Variants in TYW1 observed in about 807,000 individuals in gnomAD.
TYW1 encodes the protein tRNA-yW synthesizing protein 1 homolog.
Under a neutral mutation model 96.2 loss-of-function variants are expected in TYW1, and 46 were observed. That is an observed-to-expected ratio of 0.48 (90% CI 0.38 to 0.61). The LOEUF is 0.61. TYW1 is among the 20% of genes least tolerant of loss of function. TYW1 has a pLI of 0.00. For synonymous variants in TYW1, 274 were observed against 323.0 expected (o/e 0.85, Z 1.63); for missense variants, 684 against 909.6 (o/e 0.75, Z 3.19).
chr7:67,138,935 C>T (rs1324600753), intron 13 of TYW1, among the ~76,000 whole-genome samples: 2 of 151,530 alleles, frequency 1.3e-5, no homozygotes, highest in Admixed American at 1.3e-4. Context: ...TTGCAATAAA[C>T]ATGGGAATGC....
chr7:67,147,747 G>A (rs1798653258), intron 13 of TYW1, among the ~76,000 whole-genome samples: 1 of 152,028 alleles, frequency 6.6e-6, no homozygotes, highest in Non-Finnish European at 1.5e-5. Context: ...CCCTGCAAAG[G>A]ACATGATCTT....
At chr7:67,131,801 C>T (rs1798082121) in intron 13 of TYW1, among the ~76,000 whole-genome samples, 1 of 152,120 alleles carries the variant, frequency 6.6e-6, no homozygotes, top group Non-Finnish European at 1.5e-5. Flanking sequence ...CCTGAGAGCC[C>T]CTGGCAAACC....
intron 12 of TYW1, among the ~76,000 whole-genome samples, chr7:67,102,453 A>G (rs1227377302): frequency 6.6e-6 from 1 of 152,174 alleles, no homozygotes; most frequent in Non-Finnish European, 1.5e-5. Flanking sequence ...ATTCCAAAGA[A>G]ATAATTCTTC....
chr7:67,194,793 TTG>T (rs921006269), intron 14 of TYW1, among the ~76,000 whole-genome samples: 4 of 148,538 alleles, frequency 2.7e-5, no homozygotes, highest in African/African-American at 7.6e-5. Flanking sequence ...GCCCCCATTA[TTG>T]TCCTAAGGGG....
intron 15 of TYW1, among the ~76,000 whole-genome samples, chr7:67,206,547 C>T (rs1265701081): frequency 6.6e-6 from 1 of 151,858 alleles, no homozygotes; most frequent in African/African-American, 2.4e-5. Flanking sequence ...AGAAGAATTG[C>T]TTGAACCTGG....
At chr7:67,147,097 A>G (rs994680360) in intron 13 of TYW1, among the ~76,000 whole-genome samples, 5 of 152,226 alleles carry the variant, frequency 3.3e-5, no homozygotes, top group African/African-American at 9.6e-5. Flanking sequence ...TTCTTTTAGC[A>G]GAGCAGAGTC....
intron 8 of TYW1, among the ~76,000 whole-genome samples, chr7:67,050,540 T>G (rs1422156708): frequency 6.6e-6 from 1 of 152,022 alleles, no homozygotes; most frequent in African/African-American, 2.4e-5. Flanking sequence ...CCTCCCCACT[T>G]CCCCTCTATA....
chr7:67,202,687 G>T (rs7798712), intron 15 of TYW1, among the ~76,000 whole-genome samples: 1 of 152,040 alleles, frequency 6.6e-6, no homozygotes, highest in Non-Finnish European at 1.5e-5. Context: ...ATGAGCCACC[G>T]TAAGCCCAGC....
At chr7:67,202,757 G>C (rs1268142981) in intron 15 of TYW1, among the ~76,000 whole-genome samples, 1 of 152,138 alleles carries the variant, frequency 6.6e-6, no homozygotes, top group East Asian at 1.9e-4. Context: ...CTGCAGTCAT[G>C]TTGAATGAAG....
intron 14 of TYW1, among the ~76,000 whole-genome samples, chr7:67,185,436 C>A (rs2090946): frequency 0.28 from 41,860 of 150,762 alleles, 6,242 homozygotes; most frequent in African/African-American, 0.4. Context: ...GCCGGAGAGC[C>A]GTGGGTACAT....
intron 15 of TYW1, among the ~76,000 whole-genome samples, chr7:67,204,893 C>T (rs1285931601): frequency 6.6e-6 from 1 of 152,176 alleles, no homozygotes; most frequent in Non-Finnish European, 1.5e-5. Context: ...AGCCAACTTT[C>T]TATTTATCAT....
At chr7:67,235,012 C>T (rs1801840617) in intron 15 of TYW1, among the ~76,000 whole-genome samples, 2 of 151,894 alleles carry the variant, frequency 1.3e-5, no homozygotes, top group South Asian at 4.2e-4. Context: ...TTTACTCTCT[C>T]TTAGAACACC....
chr7:67,115,340 G>A (rs1434811301), intron 12 of TYW1, among the ~76,000 whole-genome samples: 3 of 149,898 alleles, frequency 2.0e-5, no homozygotes, highest in Non-Finnish European at 3.0e-5. Flanking sequence ...ACAGAATGCT[G>A]TTATTACTGA....
At chr7:67,095,970 C>A (rs879050743) in intron 11 of TYW1, among the ~76,000 whole-genome samples, 1 of 152,198 alleles carries the variant, frequency 6.6e-6, no homozygotes, top group Non-Finnish European at 1.5e-5. Context: ...AATAGCAAAT[C>A]GTTAATGAAC....
intron 15 of TYW1, among the ~76,000 whole-genome samples, chr7:67,228,969 G>C (rs1222477550): frequency 6.6e-6 from 1 of 152,222 alleles, no homozygotes; most frequent in Non-Finnish European, 1.5e-5. Context: ...TTAGGAACTA[G>C]TTCATGTAAT....
chr7:67,160,534 A>G (rs1799128441), intron 13 of TYW1, among the ~76,000 whole-genome samples: 1 of 84,754 alleles, frequency 1.2e-5, no homozygotes, highest in Admixed American at 1.0e-4. Flanking sequence ...ATACATATAC[A>G]TATACATATA....
intron 11 of TYW1, among the ~76,000 whole-genome samples, chr7:67,095,248 C>T (rs113700899): frequency 0.063 from 9,594 of 152,144 alleles, 418 homozygotes; most frequent in South Asian, 0.11. Context: ...ATGCACCCAT[C>T]TCGGCCTCAC....
chr7:67,102,951 G>A lies in TYW1; in HGVS notation c.1562+4233G>A, dbSNP rs560892694. 3.3e-5 allele frequency among the ~76,000 whole-genome samples: 5 copies of A among 152,316 alleles called. No individual in the cohort carries two copies. The East Asian group carries it at 5.8e-4, about 18-fold the overall frequency. On this transcript the variant is annotated intron_variant, in intron 12 of 15. Coordinates refer to ENST00000359626, the MANE Select transcript of TYW1 (RefSeq NM_018264.4). The stretch of plus-strand genomic sequence containing the variant: ...GGCGTGAGCCATCACGCCCGGTCAC[G>A]CTTTTGGATTTTTAAAGCATCCTTG...
chr7:67,101,200 C>A (rs147045468), intron 12 of TYW1, among the ~76,000 whole-genome samples: 1 of 152,154 alleles, frequency 6.6e-6, no homozygotes. Context: ...CACTGTTTTA[C>A]TGGGGCCCAG....
Sources: gnomAD v4.1 joint callset for allele counts (sites outside exome capture counted in the v4.1 genomes callset) on GRCh38, gnomAD v4.1.1 for gene constraint, MANE v1.5 for transcripts, NCBI Gene and HGNC (gene_info 2026-07-23, HGNC 2026-07-21) for gene names.